TESC: variants seen among roughly 807,000 people sequenced by gnomAD.
TESC encodes tescalcin.
A neutral mutation model predicts 31.0 loss-of-function variants in TESC; 19 were observed. The observed-to-expected ratio is 0.61, with a 90% CI of 0.43 to 0.90. The LOEUF (loss-of-function observed/expected upper bound fraction) is 0.90, where lower values mean the gene tolerates loss of function less well. Ranked by LOEUF, TESC falls within the 40% of genes least tolerant of loss-of-function variation. The pLI is 0.00. For missense variants in TESC, 248 were observed against 303.8 expected (o/e 0.82, Z 1.36); for synonymous variants, 109 against 114.8 (o/e 0.95, Z 0.32).
chr12:117,045,409 T>C (rs1267849768), intron 6 of TESC, among the ~76,000 whole-genome samples: 2 of 152,242 alleles, frequency 1.3e-5, no homozygotes, highest in East Asian at 1.9e-4. Flanking sequence ...AGGGAGTAAT[T>C]TGAACAAGGA....
At chr12:117,043,394 G>C (rs1290318672) in intron 6 of TESC, among the ~76,000 whole-genome samples, 1 of 152,176 alleles carries the variant, frequency 6.6e-6, no homozygotes, top group Non-Finnish European at 1.5e-5. Context: ...CACACTCTAA[G>C]CATGTTATGC....
intron 1 of TESC, among the ~76,000 whole-genome samples, chr12:117,088,964 GTC>G (rs1215702248): frequency 2.6e-5 from 4 of 152,200 alleles, no homozygotes; most frequent in Non-Finnish European, 4.4e-5. Flanking sequence ...GGGACTTCAA[GTC>G]CACTGAGTGA....
intron 1 of TESC, among the ~76,000 whole-genome samples, chr12:117,099,021 C>T (rs889090846): frequency 6.6e-6 from 1 of 152,154 alleles, no homozygotes; most frequent in African/African-American, 2.4e-5. Context: ...TGAGCGGCTG[C>T]GGCACTGAGC....
intron 1 of TESC, among the ~76,000 whole-genome samples, chr12:117,090,047 A>AG (rs1955285653): frequency 6.7e-6 from 1 of 148,216 alleles, no homozygotes; most frequent in Non-Finnish European, 1.5e-5. Context: ...CGAATCGCTG[A>AG]AAAAAAAAAA....
rs547087823 is a variant in TESC at position 117,039,147 on chromosome 12, C to T, written c.631G>A (p.Ala211Thr). 2.5e-6 allele frequency: 4 copies of T among 1,613,986 alleles called. No homozygotes were observed. The East Asian group carries it at 8.9e-5, about 36-fold the overall frequency. The change falls in exon 8 of 8, where the codon GCC becomes ACC. Residue 211 changes from alanine (A) to threonine (T), a missense_variant. By Grantham distance (58) the Ala-to-Thr change is moderately conservative. Transcript: ENST00000335209. ...HVRFLNMETMALCH is the reference protein window; with the variant it reads ...HVRFLNMETMTLCH ...GTGGCGGTGGGTCAGTGGCAGAGGG[C>T]CATGGTTTCCATGTTAAGGAAGCGG...
intron 6 of TESC, among the ~76,000 whole-genome samples, chr12:117,043,278 C>G (rs1407751558): frequency 1.3e-5 from 2 of 151,880 alleles, no homozygotes; most frequent in Non-Finnish European, 2.9e-5. Flanking sequence ...GAGAGGGAGT[C>G]CCTTTAGGGA....
intron 4 of TESC, 129 bp downstream of exon 4, chr12:117,048,890 C>CCCAAGCCCT: frequency 6.9e-7 from 1 of 1,457,318 alleles, no homozygotes; most frequent in Admixed American, 1.9e-5. Flanking sequence ...GGCTGGTGGC[C>CCCAAGCCCT]CCAAGCCCTC....
intron 1 of TESC, among the ~76,000 whole-genome samples, chr12:117,077,642 G>A (rs998786693): frequency 5.3e-5 from 8 of 152,220 alleles, no homozygotes; most frequent in Non-Finnish European, 1.2e-4. Context: ...ACAGGAAAGT[G>A]TACATACTTT....
At chr12:117,099,050 G>C (rs1191871470) in intron 1 of TESC, among the ~76,000 whole-genome samples, 175 bp downstream of exon 1, 1 of 152,116 alleles carries the variant, frequency 6.6e-6, no homozygotes, top group African/African-American at 2.4e-5. Context: ...GGAGCTCCTC[G>C]CCGCAGCCCG....
At position 117,039,035 on chromosome 12, in the gene TESC, C is replaced by T; in HGVS notation, c.*98G>A. 7.3e-7 allele frequency: 1 copy of T among 1,368,762 alleles called. No homozygotes were observed. The highest frequency in any genetic ancestry group is 1.0e-6 in the Non-Finnish European group (1 of 980,632). The allele number at this position is 1,368,762 out of a possible 1,614,324, so 84.8% of individuals were successfully genotyped here. A position where few individuals can be genotyped will look rare whatever the true frequency, so the allele number is the denominator to read the frequency against. ...GACGAGCCTTGGCTATGTACCGGCG[C>T]TGCAGGAAGAGGCTGTCCGCCGGGC... On this transcript the variant is annotated 3_prime_UTR_variant, in exon 8 of 8. Coordinates refer to ENST00000335209, the MANE Select transcript of TESC (RefSeq NM_017899.4).
At chr12:117,066,285 C>T (rs1263854073) in intron 2 of TESC, among the ~76,000 whole-genome samples, 1 of 140,808 alleles carries the variant, frequency 7.1e-6, no homozygotes, top group African/African-American at 2.8e-5. Context: ...TGGCTCACTG[C>T]AGCCTTCACC....
intron 1 of TESC, among the ~76,000 whole-genome samples, chr12:117,095,033 AG>A (rs1955372220): frequency 1.4e-5 from 2 of 145,414 alleles, no homozygotes; most frequent in Non-Finnish European, 3.0e-5. Context: ...AAAAAAAAAG[AG>A]AGAGAGACAA....
At chr12:117,061,650 GCTCT>G (rs149959116) in intron 2 of TESC, among the ~76,000 whole-genome samples, 27 of 150,616 alleles carry the variant, frequency 1.8e-4, no homozygotes, top group South Asian at 2.1e-4. Flanking sequence ...CGCTGCCTCT[GCTCT>G]CTCTCTCTCT....
chr12:117,041,642 G>GGTTA (rs1954485482), intron 7 of TESC, among the ~76,000 whole-genome samples: 2 of 152,156 alleles, frequency 1.3e-5, no homozygotes. Context: ...CTACAACGGG[G>GGTTA]GTTACTTCTG....
At chr12:117,094,091 C>T (rs753075571) in intron 1 of TESC, among the ~76,000 whole-genome samples, 6 of 152,154 alleles carry the variant, frequency 3.9e-5, no homozygotes, top group East Asian at 1.9e-4. Flanking sequence ...ACCACGGGTG[C>T]GTGGGGAAGG....
chr12:117,046,574 C>T lies in TESC; in HGVS notation c.504G>A (p.Val168=), dbSNP rs375839397. 3.2e-6 allele frequency: 5 copies of T among 1,550,762 alleles called. No homozygotes were observed. The highest frequency in any genetic ancestry group is 3.5e-6 in the Non-Finnish European group (4 of 1,146,818). The change falls in exon 6 of 8, where the codon GTG becomes GTA. Residue 168 remains valine, a synonymous_variant. Transcript: ENST00000335209. The stretch of plus-strand genomic sequence containing the variant: ...GGGCGCTCACCATCTGCCCCATGCA[C>T]ACGCTGGCCGCCTCCATCATGGCCC... ...ADGAMMEAAS[V]CMGQMEPDQV... is the part of the protein sequence containing the mutation.
intron 1 of TESC, among the ~76,000 whole-genome samples, chr12:117,085,009 C>T (rs1184177223): frequency 1.3e-5 from 2 of 152,240 alleles, no homozygotes; most frequent in Admixed American, 6.5e-5. Context: ...AAATGCACAT[C>T]CCCTCGCCAG....
At chr12:117,046,881 T>C (rs879774764) in intron 4 of TESC, 43 bp from the exon 5 acceptor site, 3 of 1,541,364 alleles carry the variant, frequency 1.9e-6, no homozygotes, top group Non-Finnish European at 1.8e-6. Flanking sequence ...AGGCGGGGCC[T>C]GGCCCCTGCC....
At chr12:117,057,533 T>C (rs759323968) in intron 2 of TESC, among the ~76,000 whole-genome samples, 4 of 152,190 alleles carry the variant, frequency 2.6e-5, no homozygotes, top group Non-Finnish European at 5.9e-5. Flanking sequence ...GGTCAGTATT[T>C]AGAGCAGTGG....
Sources: gnomAD v4.1 joint callset for allele counts (sites outside exome capture counted in the v4.1 genomes callset) on GRCh38, gnomAD v4.1.1 for gene constraint, MANE v1.5 for transcripts, NCBI Gene and HGNC (gene_info 2026-07-23, HGNC 2026-07-21) for gene names.